RAI14: variants seen among roughly 807,000 people sequenced by gnomAD.
The protein encoded by RAI14 is ankycorbin.
A neutral mutation model predicts 115.4 loss-of-function variants in RAI14; 45 were observed. The observed-to-expected ratio is 0.39, with a 90% CI of 0.31 to 0.50. The LOEUF is 0.50. RAI14 is among the 20% of genes least tolerant of loss of function. The pLI, the probability that RAI14 is intolerant of heterozygous loss-of-function variation, is 0.85. For missense variants in RAI14, 939 were observed against 1,131.2 expected (o/e 0.83, Z 2.44); for synonymous variants, 371 against 415.4 (o/e 0.89, Z 1.30).
chr5:34,679,811 A>G (rs1330763184), intron 1 of RAI14, among the ~76,000 whole-genome samples: 6 of 152,156 alleles, frequency 3.9e-5, no homozygotes, highest in African/African-American at 9.7e-5. Flanking sequence ...TTTCTCTTGT[A>G]CATGGTGAAA....
intron 1 of RAI14, among the ~76,000 whole-genome samples, chr5:34,657,753 A>G (rs1421282446): frequency 2.0e-5 from 3 of 152,236 alleles, no homozygotes; most frequent in African/African-American, 7.2e-5. Context: ...TCACTAGGAC[A>G]TAGCCGAAGC....
chr5:34,760,825 G>C (rs1045220334), intron 3 of RAI14, among the ~76,000 whole-genome samples: 4 of 152,078 alleles, frequency 2.6e-5, no homozygotes, highest in African/African-American at 9.7e-5. Flanking sequence ...CACAACCATT[G>C]TCACTTTCTA....
intron 2 of RAI14, among the ~76,000 whole-genome samples, chr5:34,721,322 T>TATATATATAG (rs1554045941): frequency 2.1e-5 from 3 of 143,940 alleles, no homozygotes; most frequent in African/African-American, 7.6e-5. Context: ...TATATATATA[T>TATATATATAG]ATAGATGTGT....
chr5:34,705,680 T>C (rs1337767757), intron 2 of RAI14, among the ~76,000 whole-genome samples: 1 of 152,106 alleles, frequency 6.6e-6, no homozygotes, highest in Non-Finnish European at 1.5e-5. Context: ...AGAGTTTCAC[T>C]CTTGTTGCCC....
chr5:34,716,264 C>A, intron 2 of RAI14: 1 of 308,818 alleles, frequency 3.2e-6, no homozygotes, highest in Non-Finnish European at 6.2e-6. Flanking sequence ...GAGGCTGAGG[C>A]TCCCTGGCTG....
intron 5 of RAI14, among the ~76,000 whole-genome samples, chr5:34,804,459 A>G (rs113596142): frequency 3.5e-4 from 54 of 152,358 alleles, no homozygotes; most frequent in Non-Finnish European, 6.0e-4. Flanking sequence ...CAGGAACAGC[A>G]TAGAGCAATA....
Position 34,772,826 on chromosome 5 carries a change from G to A in RAI14, c.167+15228G>A, listed in dbSNP as rs191217009. 9.8e-4 allele frequency among the ~76,000 whole-genome samples: 150 copies of A among 152,292 alleles called. 1 individual carries two copies. Among genetic ancestry groups the A allele is most frequent in the Admixed American group, 9.3e-3 (143 of 15,304 alleles). On this transcript the variant is annotated intron_variant, in intron 3 of 17. Transcript: ENST00000265109. ...TCTTCAGGAAAAAGAAAATGAGAGC[G>A]AGAGAAAGAGAGTGCACTACAAAAC...
At chr5:34,787,098 C>T in intron 3 of RAI14, among the ~76,000 whole-genome samples, 1 of 152,120 alleles carries the variant, frequency 6.6e-6, no homozygotes, top group East Asian at 1.9e-4. Context: ...TGTTCCTTAC[C>T]CTCATTCCGG....
intron 3 of RAI14, among the ~76,000 whole-genome samples, chr5:34,779,931 A>G (rs11954628): frequency 0.027 from 4,124 of 152,192 alleles, 197 homozygotes; most frequent in African/African-American, 0.094. Flanking sequence ...TAAGCCAAAA[A>G]AACAAAGCTG....
chr5:34,750,760 G>T (rs996064531), intron 2 of RAI14, among the ~76,000 whole-genome samples: 2 of 151,746 alleles, frequency 1.3e-5, no homozygotes, highest in Admixed American at 1.3e-4. Context: ...GAATGGCCCC[G>T]GGTGTCCCTT....
rs926653001 is a variant in RAI14, at chr5:34,827,821, G to A, written c.2799+1342G>A. 1.3e-5 allele frequency among the ~76,000 whole-genome samples: 2 copies of A among 152,200 alleles called. No individual in the cohort carries two copies. Among genetic ancestry groups the A allele is most frequent in the African/African-American group, 4.8e-5 (2 of 41,448 alleles). ...ACATGGGGCTGATGATATAAAATGA[G>A]TAAGACTCAGTCCCTGCCCTCAAGG... is the stretch of plus-strand genomic sequence containing the variant. On this transcript the variant is annotated intron_variant, in intron 16 of 17. Coordinates refer to ENST00000265109, the MANE Select transcript of RAI14 (RefSeq NM_015577.3). The surrounding 1 kb of genome is among the most constrained non-coding windows in gnomAD (Gnocchi z 4.2).
chr5:34,705,140 T>G (rs1740552740), intron 2 of RAI14, among the ~76,000 whole-genome samples: 1 of 152,194 alleles, frequency 6.6e-6, no homozygotes, highest in African/African-American at 2.4e-5. Context: ...AGATACTCAA[T>G]GCAAATATTG....
At chr5:34,663,366 A>G (rs1742848974) in intron 1 of RAI14, among the ~76,000 whole-genome samples, 1 of 152,078 alleles carries the variant, frequency 6.6e-6, no homozygotes, top group African/African-American at 2.4e-5. Flanking sequence ...AAATACAAAA[A>G]TTAGTTGGGC....
At chr5:34,795,814 G>A in intron 3 of RAI14, 125 bp from the exon 4 acceptor site, 1 of 650,230 alleles carries the variant, frequency 1.5e-6, no homozygotes, top group Non-Finnish European at 2.7e-6. Context: ...TAGTCAGTGG[G>A]TGCTTGTAGA....
At chr5:34,807,729 GAA>G in intron 5 of RAI14, 69 bp from the exon 6 acceptor site, 2 of 1,198,154 alleles carry the variant, frequency 1.7e-6, no homozygotes, top group Admixed American at 3.4e-5. Context: ...TACCTTGCAG[GAA>G]AAGTCTGAAC....
At chr5:34,754,665 A>G (rs548299358) in intron 2 of RAI14, among the ~76,000 whole-genome samples, 1 of 152,298 alleles carries the variant, frequency 6.6e-6, no homozygotes, top group South Asian at 2.1e-4. Context: ...CTCCAAGAGA[A>G]AAGTAAATTC....
chr5:34,737,537 G>T (rs1232822650), intron 2 of RAI14, among the ~76,000 whole-genome samples: 1 of 151,624 alleles, frequency 6.6e-6, no homozygotes, highest in Non-Finnish European at 1.5e-5. Flanking sequence ...GATGAGGATC[G>T]CTTGAGCTTA....
intron 3 of RAI14, among the ~76,000 whole-genome samples, chr5:34,761,208 A>G (rs1255841435): frequency 6.6e-6 from 1 of 152,184 alleles, no homozygotes; most frequent in African/African-American, 2.4e-5. Context: ...TGTGTGTGAG[A>G]CAGGGTCTCA....
intron 2 of RAI14, among the ~76,000 whole-genome samples, chr5:34,715,214 G>T (rs1320352675): frequency 2.0e-5 from 3 of 152,162 alleles, no homozygotes; most frequent in Non-Finnish European, 4.4e-5. Flanking sequence ...CCTGGAAGGT[G>T]GTGGAGATTT....
Sources: gnomAD v4.1 joint callset for allele counts (sites outside exome capture counted in the v4.1 genomes callset) on GRCh38, gnomAD v4.1.1 for gene constraint, Gnocchi (gnomAD v3.1) non-coding constraint, MANE v1.5 for transcripts, NCBI Gene and HGNC (gene_info 2026-07-23, HGNC 2026-07-21) for gene names.